POLR2B: variants seen among roughly 807,000 people sequenced by gnomAD.
The protein encoded by POLR2B is RNA polymerase II subunit B, also known as DNA-directed RNA polymerase II subunit RPB2.
A neutral mutation model predicts 144.6 loss-of-function variants in POLR2B; 57 were observed. That is an observed-to-expected ratio of 0.39 (90% CI 0.32 to 0.49). The LOEUF is 0.49. Among genes scored for constraint, POLR2B ranks in the 20% least tolerant of loss-of-function variants. The pLI is 0.83. For missense variants in POLR2B, 595 were observed against 1,467.4 expected, an observed-to-expected ratio of 0.41 and a Z score of 9.71; for synonymous variants, 442 against 469.8, an observed-to-expected ratio of 0.94 and a Z score of 0.77.
intron 7 of POLR2B, among the ~76,000 whole-genome samples, chr4:57,003,246 G>A: frequency 6.6e-6 from 1 of 150,788 alleles, no homozygotes; most frequent in African/African-American, 2.4e-5. Context: ...CCTGGCCAAC[G>A]TAGTGAAACC....
intron 10 of POLR2B, among the ~76,000 whole-genome samples, chr4:57,008,606 G>C (rs927296040): frequency 2.0e-5 from 3 of 152,238 alleles, no homozygotes; most frequent in Non-Finnish European, 4.4e-5. Flanking sequence ...TATGCTTGTA[G>C]ATGTAAACAG....
Position 56,979,149 on chromosome 4 carries a change from GA to G in POLR2B, c.19+148del, listed in dbSNP as rs1445896515. On this transcript the variant is annotated intron_variant, in intron 1 of 24. Transcript: ENST00000314595. The stretch of plus-strand genomic sequence containing the variant: ...TTCCCACACTTACCAGGCCGGGAAC[GA>G]AACTGGGGTAGGGAGAGGCGGAGGG... 7 of 854,482 alleles carry G rather than the reference GA, an allele frequency of 8.2e-6. No individual in the cohort carries two copies. The African/African-American group carries it at 1.2e-4, about 14-fold the overall frequency. The allele number at this position is 854,482 out of a possible 1,614,324, so 52.9% of individuals were successfully genotyped here.
intron 6 of POLR2B, among the ~76,000 whole-genome samples, chr4:56,996,237 T>TGC (rs1722675098): frequency 7.2e-6 from 1 of 139,278 alleles, no homozygotes. Flanking sequence ...TGTGTGTGTG[T>TGC]GTATGTATAT....
At chr4:56,996,262 G>GTGTATACATA (rs1553910008) in intron 6 of POLR2B, among the ~76,000 whole-genome samples, 23 of 88,878 alleles carry the variant, frequency 2.6e-4, no homozygotes, top group African/African-American at 1.0e-3. Context: ...GTGTGTGTGT[G>GTGTATACATA]TATATATATA....
At chr4:57,020,311 C>T (rs774805113) in intron 16 of POLR2B, among the ~76,000 whole-genome samples, 34 of 152,260 alleles carry the variant, frequency 2.2e-4, no homozygotes, top group Admixed American at 9.8e-4. Context: ...GGATTACAGG[C>T]GTGAGCCACC....
At chr4:57,024,395 A>T (rs1723649393) in intron 21 of POLR2B, among the ~76,000 whole-genome samples, 1 of 152,208 alleles carries the variant, frequency 6.6e-6, no homozygotes, top group South Asian at 2.1e-4. Flanking sequence ...TTGTTGATGG[A>T]GAGTTCAATG....
At chr4:57,002,229 G>A (rs1453710785) in intron 7 of POLR2B, among the ~76,000 whole-genome samples, 1 of 152,016 alleles carries the variant, frequency 6.6e-6, no homozygotes, top group African/African-American at 2.4e-5. Context: ...GAGTTTTGCC[G>A]TGTTGCCCAG....
rs559101523 is a variant in POLR2B at position 56,982,887 on chromosome 4, TG to T, written c.20-3464del. Among the ~76,000 whole-genome samples, 636 of 152,236 alleles carry T rather than the reference TG, an allele frequency of 4.2e-3. 1 individual carries two copies. Among genetic ancestry groups the T allele is most frequent in the Middle Eastern group, 0.02 (6 of 294 alleles). On this transcript the variant is annotated intron_variant, in intron 1 of 24. Transcript: ENST00000314595. The stretch of plus-strand genomic sequence containing the variant: ...CCCTCTGTTGTTGAAACCGAAAGCC[TG>T]GGCATCATTTTTGACTCCTCTCTTT...
At position 57,023,267 on chromosome 4, in the gene POLR2B, C is replaced by G; in HGVS notation, c.2516-63C>G. ...CCTTCTCTCTGACTTGGAACTGATT[C>G]ATGTATGTGGTTTTTAATCTTTGTT... On this transcript the variant is annotated intron_variant, in intron 18 of 24. Transcript: ENST00000314595. The surrounding 1 kb of genome is among the most constrained non-coding windows in gnomAD (Gnocchi z 4.3). 6.4e-7 allele frequency: 1 copy of G among 1,550,776 alleles called. No individual in the cohort carries two copies.
chr4:57,014,302 C>T (rs1225915552), intron 13 of POLR2B, among the ~76,000 whole-genome samples: 1 of 151,108 alleles, frequency 6.6e-6, no homozygotes, highest in African/African-American at 2.4e-5. Context: ...TCAAGTGATT[C>T]TTTACCTCAG....
intron 7 of POLR2B, chr4:57,002,785 A>G (rs547595037): frequency 1.7e-4 from 26 of 152,074 alleles, no homozygotes; most frequent in African/African-American, 6.3e-4. Flanking sequence ...GAAGGGTTCC[A>G]TATTTTTGTT....
intron 1 of POLR2B, among the ~76,000 whole-genome samples, chr4:56,985,794 A>G (rs905068366): frequency 1.3e-5 from 2 of 152,314 alleles, no homozygotes; most frequent in Non-Finnish European, 2.9e-5. Context: ...GTCATGCAGC[A>G]TTGCTTCAGC....
intron 13 of POLR2B, among the ~76,000 whole-genome samples, chr4:57,012,361 C>A (rs1578581283): frequency 6.6e-6 from 1 of 151,876 alleles, no homozygotes. Flanking sequence ...GCAGAGATTG[C>A]ACCATTGTAC....
At chr4:56,995,508 A>G (rs1722651390) in intron 6 of POLR2B, 99 bp downstream of exon 6, 1 of 801,152 alleles carries the variant, frequency 1.2e-6, no homozygotes, top group Non-Finnish European at 2.0e-6. Flanking sequence ...TTTCTGGAGC[A>G]TATTGTTGTT....
rs1723624433 is a variant in POLR2B, at chr4:57,023,746, C to G, written c.2851C>G (p.Gln951Glu). Reference sequence around the variant, plus strand: ...GGGTACTTGTGGTATTCAGTATAGACAAGAGGTAGGTATCTTTGATCTCCC... The same window carrying G: ...GGGTACTTGTGGTATTCAGTATAGAGAAGAGGTAGGTATCTTTGATCTCCC... ...QKGTCGIQYRQEDMPFTCEGI... is the reference protein window; with the variant it reads ...QKGTCGIQYREEDMPFTCEGI... Residue 951 changes from glutamine to glutamate, a missense_variant, in exon 20 of 25, where the codon CAA becomes GAA. By Grantham distance (29) the Gln-to-Glu change is conservative. Around this residue, in one of 9 missense-constraint regions of POLR2B, gnomAD observed 65 missense variants for 282.8 expected, o/e 0.23. Coordinates refer to ENST00000314595, the MANE Select transcript of POLR2B (RefSeq NM_000938.3). This position sits in a 1 kb window ranked among gnomAD's most constrained non-coding sequence, Gnocchi z 4.3. 1 of 1,583,506 alleles carries G rather than the reference C, an allele frequency of 6.3e-7. No homozygotes were observed. Among genetic ancestry groups the G allele is most frequent in the Non-Finnish European group, 8.6e-7 (1 of 1,159,432 alleles).
intron 14 of POLR2B, among the ~76,000 whole-genome samples, chr4:57,016,140 T>C (rs1295844906): frequency 6.6e-6 from 1 of 152,226 alleles, no homozygotes. Flanking sequence ...CTATCTTAAT[T>C]TTAGAATACT....
intron 1 of POLR2B, among the ~76,000 whole-genome samples, chr4:56,981,473 A>G (rs1345626766): frequency 6.6e-6 from 1 of 152,260 alleles, no homozygotes; most frequent in East Asian, 1.9e-4. Flanking sequence ...ACATTTTGCT[A>G]GATGATGCCA....
intron 2 of POLR2B, among the ~76,000 whole-genome samples, chr4:56,989,885 C>A (rs1435143698): frequency 6.6e-6 from 1 of 152,138 alleles, no homozygotes; most frequent in Non-Finnish European, 1.5e-5. Context: ...TTTCCCCACC[C>A]CTCACCTGAA....
chr4:57,010,948 A>G, intron 12 of POLR2B, 41 bp from the exon 13 acceptor site: 1 of 1,594,650 alleles, frequency 6.3e-7, no homozygotes, highest in Non-Finnish European at 8.6e-7. Flanking sequence ...TGCTTAGTAT[A>G]GAATTGTTAA....
Sources: gnomAD v4.1 joint callset for allele counts (sites outside exome capture counted in the v4.1 genomes callset) on GRCh38, gnomAD v4.1.1 for gene constraint, gnomAD v4.1.1 regional missense constraint, Gnocchi (gnomAD v3.1) non-coding constraint, MANE v1.5 for transcripts, NCBI Gene and HGNC (gene_info 2026-07-23, HGNC 2026-07-21) for gene names.